Variants in TRIM2 observed in about 807,000 individuals in gnomAD.
TRIM2 encodes tripartite motif-containing protein 2.
TRIM2 carries 20 observed loss-of-function variants against 75.2 expected under a neutral mutation model. The ratio of observed to expected loss-of-function variants is 0.27; its 90% CI spans 0.19 to 0.39. TRIM2 has a LOEUF of 0.39. Among genes scored for constraint, TRIM2 ranks in the 10% least tolerant of loss-of-function variants. TRIM2 has a pLI of 1.00. For missense variants in TRIM2, 660 were observed against 990.8 expected (o/e 0.67, Z 4.48); for synonymous variants, 373 against 388.3 (o/e 0.96, Z 0.46).
intron 1 of TRIM2, among the ~76,000 whole-genome samples, chr4:153,168,754 A>G (rs554913332): frequency 6.6e-6 from 1 of 152,264 alleles, no homozygotes; most frequent in Non-Finnish European, 1.5e-5. Flanking sequence ...TTAAATTAGG[A>G]AGTATATTTG....
intron 1 of TRIM2, among the ~76,000 whole-genome samples, chr4:153,262,069 G>A (rs1753716016): frequency 6.6e-6 from 1 of 152,208 alleles, no homozygotes; most frequent in Non-Finnish European, 1.5e-5. Flanking sequence ...CCATTAATAA[G>A]GGATTTATGT....
intron 4 of TRIM2, 51 bp from the exon 5 acceptor site, chr4:153,294,254 G>A: frequency 6.3e-7 from 1 of 1,575,094 alleles, no homozygotes; most frequent in Non-Finnish European, 8.6e-7. Context: ...ATAGATTTTG[G>A]AATATTTCTG....
intron 1 of TRIM2, among the ~76,000 whole-genome samples, chr4:153,267,513 G>A (rs1401033288): frequency 2.6e-5 from 4 of 152,094 alleles, no homozygotes; most frequent in African/African-American, 7.2e-5. Context: ...TTAGCCGGGC[G>A]TGGTGGCGGG....
intron 3 of TRIM2, among the ~76,000 whole-genome samples, chr4:153,277,495 A>C (rs1758295683): frequency 6.6e-6 from 1 of 152,226 alleles, no homozygotes; most frequent in Non-Finnish European, 1.5e-5. Flanking sequence ...ACCTGTCATT[A>C]GACCCCTAGC....
At chr4:153,242,667 G>A (rs917858097) in intron 1 of TRIM2, among the ~76,000 whole-genome samples, 6 of 152,136 alleles carry the variant, frequency 3.9e-5, no homozygotes, top group Non-Finnish European at 5.9e-5. Context: ...GAACAGGCTC[G>A]ACAGAACTAC....
chr4:153,204,525 T>G lies in TRIM2; in HGVS notation c.-6T>G, dbSNP rs969795981. ...CCAGATTGGAGGAGGCTGGCTCTGG[T>G]CTTCGATGCACAGGAGTGGCCGTTA... is the stretch of plus-strand genomic sequence containing the variant. On this transcript the variant is annotated 5_prime_UTR_variant, in exon 1 of 12. Transcript: ENST00000338700. 9 of 1,551,584 alleles carry G rather than the reference T, an allele frequency of 5.8e-6. No individual in the cohort carries two copies. In the African/African-American group the frequency reaches 1.2e-4, roughly 21 times the overall value.
intron 1 of TRIM2, chr4:153,257,595 G>C (rs1411202583): frequency 1.6e-6 from 2 of 1,289,610 alleles, no homozygotes; most frequent in East Asian, 1.1e-4. Flanking sequence ...TCTGATGATG[G>C]CTGCACTGCA....
At chr4:153,175,021 T>TG (rs1182962152) in intron 1 of TRIM2, among the ~76,000 whole-genome samples, 1 of 110,242 alleles carries the variant, frequency 9.1e-6, no homozygotes, top group African/African-American at 3.2e-5. Flanking sequence ...TGTTTTGTTT[T>TG]TTTTTGAGAC....
At chr4:153,188,843 C>G (rs557411592) in intron 1 of TRIM2, among the ~76,000 whole-genome samples, 49 of 151,954 alleles carry the variant, frequency 3.2e-4, no homozygotes, top group Non-Finnish European at 6.2e-4. Flanking sequence ...TACATTAAAA[C>G]ATTTTACCTT....
At chr4:153,327,779 C>T (rs968129218) in intron 10 of TRIM2, among the ~76,000 whole-genome samples, 1 of 152,188 alleles carries the variant, frequency 6.6e-6, no homozygotes, top group Non-Finnish European at 1.5e-5. Context: ...AGAGAATTTG[C>T]TTAAGAGTTC....
chr4:153,317,414 C>A (rs958723497), intron 8 of TRIM2, among the ~76,000 whole-genome samples: 1 of 145,324 alleles, frequency 6.9e-6, no homozygotes, highest in African/African-American at 2.5e-5. Context: ...TTTGGGAGGC[C>A]GAGGCGGGCG....
chr4:153,253,070 G>T (rs557761802), intron 1 of TRIM2, among the ~76,000 whole-genome samples: 1 of 152,346 alleles, frequency 6.6e-6, no homozygotes, highest in Non-Finnish European at 1.5e-5. Flanking sequence ...GTACACAGGA[G>T]TGGTACTCAA....
At position 153,295,687 on chromosome 4, in the gene TRIM2, C is replaced by A. The variant is rs144994337; in HGVS notation, c.1161C>A (p.Thr387=). ...ACAAAGACGGTGAGCTGTGCAAAACCGGCAACGCCTACCTCACCGCCGAAC... is the reference window on the plus strand; with the variant it reads ...ACAAAGACGGTGAGCTGTGCAAAACAGGCAACGCCTACCTCACCGCCGAAC... ...TKDKDGELCK[T]GNAYLTAELS... Residue 387 remains threonine, a synonymous_variant, in exon 6 of 12, where the codon ACC becomes ACA. Coordinates refer to ENST00000338700, the MANE Select transcript of TRIM2 (RefSeq NM_015271.5). This position sits in a 1 kb window ranked among gnomAD's most constrained non-coding sequence, Gnocchi z 7.2. 3 of 1,613,818 alleles carry A rather than the reference C, an allele frequency of 1.9e-6. No individual in the cohort carries two copies. The highest frequency in any genetic ancestry group is 2.5e-6 in the Non-Finnish European group (3 of 1,179,956).
chr4:153,154,248 G>A (rs571670139), intron 1 of TRIM2, among the ~76,000 whole-genome samples: 1 of 152,322 alleles, frequency 6.6e-6, no homozygotes, highest in South Asian at 2.1e-4. Context: ...TGATACAGAG[G>A]CAGGCGGACC....
At chr4:153,318,937 A>G (rs922195624) in intron 8 of TRIM2, among the ~76,000 whole-genome samples, 3 of 152,230 alleles carry the variant, frequency 2.0e-5, no homozygotes, top group African/African-American at 7.2e-5. Flanking sequence ...AGTTTCAGCA[A>G]TACCCTCTTC....
intron 1 of TRIM2, among the ~76,000 whole-genome samples, chr4:153,220,349 A>G (rs1181398024): frequency 6.6e-6 from 1 of 152,208 alleles, no homozygotes; most frequent in African/African-American, 2.4e-5. Flanking sequence ...GTTGTTATAG[A>G]AAAGGATGGC....
chr4:153,233,169 G>A (rs892914673), intron 1 of TRIM2, among the ~76,000 whole-genome samples: 1 of 152,144 alleles, frequency 6.6e-6, no homozygotes, highest in African/African-American at 2.4e-5. Flanking sequence ...TTAAAGTAGA[G>A]GAGAAATGGT....
intron 1 of TRIM2, among the ~76,000 whole-genome samples, chr4:153,207,701 C>T (rs1481130173): frequency 1.3e-5 from 2 of 152,150 alleles, no homozygotes; most frequent in Admixed American, 6.5e-5. Context: ...GAATGCAGTG[C>T]AGTGGAAAGA....
At chr4:153,166,395 C>A (rs755001939) in intron 1 of TRIM2, among the ~76,000 whole-genome samples, 7 of 152,260 alleles carry the variant, frequency 4.6e-5, no homozygotes, top group African/African-American at 1.4e-4. Flanking sequence ...GTAATTGGGA[C>A]AAGACCTTTG....
Sources: allele counts gnomAD v4.1 joint callset (sites outside exome capture counted in the v4.1 genomes callset), GRCh38; gene constraint gnomAD v4.1.1; non-coding constraint Gnocchi (gnomAD v3.1); transcripts MANE v1.5; gene names NCBI Gene and HGNC (gene_info 2026-07-23, HGNC 2026-07-21).